PCDHA13: variants seen among roughly 807,000 people sequenced by gnomAD.
PCDHA13 encodes the protein protocadherin alpha-13.
In PCDHA13, 54 loss-of-function variants were observed where a neutral mutation model predicts 64.8. That is an observed-to-expected ratio of 0.83 (90% confidence interval 0.67 to 1.04). The LOEUF is 1.04. Ranked by LOEUF, PCDHA13 falls within the 50% of genes least tolerant of loss-of-function variation. The probability of loss-of-function intolerance (pLI) is 0.00; values close to 1 mark genes in which losing one functional copy is unlikely to be tolerated. For missense variants in PCDHA13, 1,248 were observed against 1,254.3 expected, an observed-to-expected ratio of 0.99 and a Z score of 0.08; for synonymous variants, 587 against 564.4, an observed-to-expected ratio of 1.04 and a Z score of -0.57.
intron 2 of PCDHA13, chr5:140,982,217 C>T (rs1257918481): frequency 3.9e-6 from 2 of 507,664 alleles, no homozygotes; most frequent in Non-Finnish European, 6.2e-6. Context: ...CGCCACATGG[C>T]GTTAATAAAA....
intron 1 of PCDHA13, among the ~76,000 whole-genome samples, chr5:140,889,020 TG>T (rs1554183734): frequency 1.3e-5 from 2 of 152,126 alleles, no homozygotes; most frequent in Non-Finnish European, 2.9e-5. Context: ...TCTACTTCCT[TG>T]GATAACCGTA....
chr5:141,006,843 T>A (rs2098291274), intron 3 of PCDHA13, among the ~76,000 whole-genome samples: 1 of 152,154 alleles, frequency 6.6e-6, no homozygotes, highest in Non-Finnish European at 1.5e-5. Context: ...TTACTGAAAC[T>A]GGAAAGATTT....
chr5:140,967,053 G>A (rs1563359791), intron 1 of PCDHA13: 4 of 1,612,648 alleles, frequency 2.5e-6, no homozygotes, highest in Non-Finnish European at 3.4e-6. Flanking sequence ...GACCTGACGA[G>A]TGGAGCGCTC....
intron 1 of PCDHA13, chr5:140,928,747 C>G (rs781895762): frequency 6.2e-7 from 1 of 1,614,132 alleles, no homozygotes; most frequent in Non-Finnish European, 8.5e-7. Context: ...AGGTGAGCTC[C>G]GTACTGCTCG....
intron 1 of PCDHA13, among the ~76,000 whole-genome samples, chr5:140,951,182 C>T (rs782338729): frequency 9.2e-5 from 14 of 151,876 alleles, no homozygotes; most frequent in East Asian, 1.9e-4. Context: ...AGTCATTGTC[C>T]GCTAATTCCC....
intron 1 of PCDHA13, among the ~76,000 whole-genome samples, chr5:140,950,382 A>G (rs1424724989): frequency 3.3e-5 from 5 of 151,950 alleles, no homozygotes; most frequent in African/African-American, 7.2e-5. Context: ...CTTCCATTTG[A>G]ATGATATAGA....
chr5:140,917,777 T>C (rs913092177), intron 1 of PCDHA13, among the ~76,000 whole-genome samples: 7 of 152,214 alleles, frequency 4.6e-5, no homozygotes, highest in Non-Finnish European at 1.0e-4. Context: ...ATTAGTACCA[T>C]GTTGTTTTGG....
Position 140,925,641 on chromosome 5 carries a change from T to TATAATAATAATA in PCDHA13, c.2394+41005_2394+41016dup, listed in dbSNP as rs10569930. On this transcript the variant is annotated intron_variant, in intron 1 of 3. Coordinates refer to ENST00000289272, the MANE Select transcript of PCDHA13 (RefSeq NM_018904.3). ...TGCACATGTACCCTAGAACTTAAAG[T>TATAATAATAATA]ATAATAATAATAATAATAATAATAA... 2.2e-3 allele frequency among the ~76,000 whole-genome samples: 310 copies of TATAATAATAATA among 143,350 alleles called. 1 individual carries two copies. The highest frequency in any genetic ancestry group is 2.8e-3 in the East Asian group (14 of 4,930). 94.0% of individuals were successfully genotyped at this position (143,350 alleles called of 152,430 possible).
chr5:140,923,508 G>C (rs570497442), intron 1 of PCDHA13, among the ~76,000 whole-genome samples: 1 of 152,222 alleles, frequency 6.6e-6, no homozygotes, highest in Non-Finnish European at 1.5e-5. Flanking sequence ...CAGCCTGGAT[G>C]ATGAAGTGAG....
intron 1 of PCDHA13, among the ~76,000 whole-genome samples, chr5:140,894,986 A>G (rs1380930076): frequency 6.6e-6 from 1 of 152,194 alleles, no homozygotes; most frequent in Non-Finnish European, 1.5e-5. Flanking sequence ...ACTTTGTGAC[A>G]TCCTTTACCC....
At chr5:140,922,655 C>G (rs1468761948) in intron 1 of PCDHA13, among the ~76,000 whole-genome samples, 1 of 152,134 alleles carries the variant, frequency 6.6e-6, no homozygotes, top group Non-Finnish European at 1.5e-5. Context: ...GTAAATATGG[C>G]TATACTGCAA....
chr5:140,996,130 G>A (rs1185857732), intron 3 of PCDHA13, among the ~76,000 whole-genome samples: 2 of 152,162 alleles, frequency 1.3e-5, no homozygotes, highest in African/African-American at 4.8e-5. Flanking sequence ...GGTGTAGAGG[G>A]TTCTCCCATT....
intron 3 of PCDHA13, among the ~76,000 whole-genome samples, chr5:140,984,074 A>T (rs1554245949): frequency 6.6e-6 from 1 of 152,268 alleles, no homozygotes; most frequent in African/African-American, 2.4e-5. Context: ...AGTGCCAACG[A>T]TGGAGTGAAG....
intron 2 of PCDHA13, 146 bp downstream of exon 2, chr5:140,979,153 G>A (rs2096837239): frequency 2.8e-6 from 4 of 1,434,028 alleles, no homozygotes; most frequent in Non-Finnish European, 2.7e-6. Context: ...TTGTCCCCAT[G>A]TTTATTCCTT....
intron 1 of PCDHA13, among the ~76,000 whole-genome samples, chr5:140,903,182 G>A (rs1030121963): frequency 1.3e-5 from 2 of 152,164 alleles, no homozygotes; most frequent in Non-Finnish European, 2.9e-5. Flanking sequence ...CCCACCAATA[G>A]TATAAAAGAG....
At chr5:140,960,923 G>A (rs1478943565) in intron 1 of PCDHA13, among the ~76,000 whole-genome samples, 1 of 152,168 alleles carries the variant, frequency 6.6e-6, no homozygotes, top group African/African-American at 2.4e-5. Context: ...TAGAAAATTG[G>A]TACTAAGTTT....
chr5:140,920,429 C>T (rs2079631906), intron 1 of PCDHA13, among the ~76,000 whole-genome samples: 1 of 152,136 alleles, frequency 6.6e-6, no homozygotes. Flanking sequence ...TTCTCCCACA[C>T]ACCTCTTTTA....
At chr5:140,927,716 G>T (rs782756674) in intron 1 of PCDHA13, 1 of 1,614,190 alleles carries the variant, frequency 6.2e-7, no homozygotes, top group South Asian at 1.1e-5. Context: ...CTAAGCAACA[G>T]CACGCAAGCA....
At chr5:140,928,495 A>G in intron 1 of PCDHA13, 2 of 1,614,206 alleles carry the variant, frequency 1.2e-6, no homozygotes, top group South Asian at 1.1e-5. Flanking sequence ...CATTCCTCCC[A>G]GAAGTGCAAC....
Sources: gnomAD v4.1 joint callset for allele counts (sites outside exome capture counted in the v4.1 genomes callset) on GRCh38, gnomAD v4.1.1 for gene constraint, MANE v1.5 for transcripts, NCBI Gene and HGNC (gene_info 2026-07-23, HGNC 2026-07-21) for gene names.